Variants in HMGXB3 observed in about 807,000 individuals in gnomAD.
The protein encoded by HMGXB3 is HMG-box containing 3, also known as HMG domain-containing protein 3.
In HMGXB3, 45 loss-of-function variants were observed where a neutral mutation model predicts 121.5. The observed-to-expected ratio is 0.37, with a 90% CI of 0.29 to 0.47. HMGXB3 has a LOEUF of 0.47. Ranked by LOEUF, HMGXB3 falls within the 20% of genes least tolerant of loss-of-function variation. The pLI, the probability that HMGXB3 is intolerant of heterozygous loss-of-function variation, is 0.99. For missense variants in HMGXB3, 1,376 were observed against 1,602.2 expected (o/e 0.86, Z 2.41); for synonymous variants, 590 against 624.1 (o/e 0.95, Z 0.81).
chr5:150,051,387 C>T (rs1756889314), intron 19 of HMGXB3, among the ~76,000 whole-genome samples: 1 of 152,226 alleles, frequency 6.6e-6, no homozygotes, highest in Admixed American at 6.5e-5. Flanking sequence ...CCCTGGGGCT[C>T]ACTGGCTCCA....
intron 1 of HMGXB3, among the ~76,000 whole-genome samples, chr5:150,002,389 A>C (rs4705404): frequency 0.55 from 83,308 of 152,022 alleles, 25,639 homozygotes; most frequent in Non-Finnish European, 0.69. Context: ...CTGAGATCAT[A>C]AGGTTAGAGT....
At chr5:150,004,758 C>A in intron 1 of HMGXB3, 93 bp from the exon 2 acceptor site, 1 of 818,784 alleles carries the variant, frequency 1.2e-6, no homozygotes, top group Non-Finnish European at 1.9e-6. Context: ...AGCCTTAAGG[C>A]ACTGGCAGAG....
At position 150,024,392 on chromosome 5, in the gene HMGXB3, T is replaced by C; in HGVS notation, c.1172T>C (p.Leu391Pro). The C allele has an allele frequency of 6.4e-7, 1 of 1,551,744 alleles. No homozygotes were observed. Among genetic ancestry groups the C allele is most frequent in the Non-Finnish European group, 8.7e-7 (1 of 1,147,000 alleles). Reference protein sequence around the residue: ...SSKENASKLTLENSEAVSQLL... With the variant: ...SSKENASKLTPENSEAVSQLL... ...AAGGAAAATGCCTCCAAACTGACTC[T>C]GGAGAATTCGGAAGCTGTAAGCCAG... The change falls in exon 7 of 20, where the codon CTG becomes CCG. Residue 391 changes from leucine to proline, a missense_variant. Transcript: ENST00000502717.
chr5:150,011,965 T>G (rs1755850991), intron 4 of HMGXB3, among the ~76,000 whole-genome samples: 2 of 152,166 alleles, frequency 1.3e-5, no homozygotes, highest in Admixed American at 1.3e-4. Flanking sequence ...CTTGAAAGGG[T>G]TAGAATTGGA....
chr5:150,026,630 C>G (rs1425618276), intron 7 of HMGXB3, 76 bp from the exon 8 acceptor site: 7 of 1,264,592 alleles, frequency 5.5e-6, no homozygotes, highest in African/African-American at 1.5e-5. Flanking sequence ...TCTAAGAAAG[C>G]ACTATGTAGA....
chr5:150,043,590 G>A (rs1291876871), intron 15 of HMGXB3, among the ~76,000 whole-genome samples: 2 of 152,220 alleles, frequency 1.3e-5, no homozygotes, highest in African/African-American at 4.8e-5. Context: ...TTTTGTTTGT[G>A]TTATCTCATC....
At chr5:150,041,516 A>G (rs1756634509) in intron 14 of HMGXB3, among the ~76,000 whole-genome samples, 1 of 152,238 alleles carries the variant, frequency 6.6e-6, no homozygotes, top group Non-Finnish European at 1.5e-5. Flanking sequence ...AATTGAGGTG[A>G]GATTAATGAC....
chr5:150,036,184 A>G (rs979099243), intron 11 of HMGXB3, among the ~76,000 whole-genome samples: 2 of 152,188 alleles, frequency 1.3e-5, no homozygotes, highest in Non-Finnish European at 2.9e-5. Flanking sequence ...TGTTGAATCC[A>G]TTACCAAGAG....
chr5:150,047,931 T>C (rs901476688), intron 17 of HMGXB3, among the ~76,000 whole-genome samples, 174 bp downstream of exon 17: 1 of 152,240 alleles, frequency 6.6e-6, no homozygotes, highest in Non-Finnish European at 1.5e-5. Flanking sequence ...ATGTGGGGCC[T>C]GGCCTCTAAC....
chr5:150,016,857 C>A (rs998744208), intron 5 of HMGXB3, among the ~76,000 whole-genome samples: 6 of 152,086 alleles, frequency 3.9e-5, no homozygotes, highest in African/African-American at 1.4e-4. Context: ...CTTTTATTGG[C>A]TTATTAGCTA....
At chr5:150,034,257 T>C (rs1198369704) in intron 11 of HMGXB3, among the ~76,000 whole-genome samples, 1 of 152,160 alleles carries the variant, frequency 6.6e-6, no homozygotes, top group Non-Finnish European at 1.5e-5. Context: ...TCACACCCCA[T>C]ATTGACTGCT....
At chr5:150,018,010 T>C (rs1284302592) in intron 5 of HMGXB3, among the ~76,000 whole-genome samples, 4 of 152,210 alleles carry the variant, frequency 2.6e-5, no homozygotes, top group South Asian at 4.1e-4. Context: ...ATTTTTTCAG[T>C]GACCATGGAT....
Position 150,010,372 on chromosome 5 carries a change from G to T in HMGXB3, c.574G>T (p.Val192Leu), listed in dbSNP as rs1755800059. 1.3e-6 allele frequency: 2 copies of T among 1,551,580 alleles called. No individual in the cohort carries two copies. Among genetic ancestry groups the T allele is most frequent in the East Asian group, 2.4e-5 (1 of 40,922 alleles). ...CLAVEALAEE[V>L]GALTQSGAVQ... The stretch of plus-strand genomic sequence containing the variant: ...GGCTGTGGAGGCCCTGGCTGAGGAG[G>T]TGGGAGCCCTTACCCAGTCAGGTGC... Residue 192 changes from valine (V) to leucine (L), a missense_variant, in exon 4 of 20, where the codon GTG becomes TTG. Val to Leu is a conservative substitution (Grantham distance 32). This residue lies in a region of HMGXB3 where 1,116 missense variants were observed against 1,369.0 expected (regional missense o/e 0.82). Coordinates refer to ENST00000502717, the MANE Select transcript of HMGXB3 (RefSeq NM_014983.3).
intron 3 of HMGXB3, 24 bp from the exon 4 acceptor site, chr5:150,010,087 C>A: frequency 6.5e-7 from 1 of 1,541,236 alleles, no homozygotes; most frequent in Non-Finnish European, 8.8e-7. Context: ...CTTGTCTCCC[C>A]CTTCCTGGCT....
chr5:150,003,211 C>T (rs1298270344), intron 1 of HMGXB3, among the ~76,000 whole-genome samples: 1 of 152,164 alleles, frequency 6.6e-6, no homozygotes, highest in Non-Finnish European at 1.5e-5. Context: ...TTCAAGTGCT[C>T]GATAGCCATA....
At chr5:150,043,132 A>G (rs1756677280) in intron 15 of HMGXB3, among the ~76,000 whole-genome samples, 1 of 152,248 alleles carries the variant, frequency 6.6e-6, no homozygotes, top group South Asian at 2.1e-4. Context: ...CCTATATGAT[A>G]ATTTCATTAA....
At position 150,032,428 on chromosome 5, in the gene HMGXB3, A is replaced by AT. The variant is rs1478887881; in HGVS notation, c.1834-24dup. The stretch of plus-strand genomic sequence containing the variant: ...CCAGGTTTAACTTAATTTTTGTAGA[A>AT]TTGAACACTGGTCTTACTTTTTTAG... On this transcript the variant is annotated intron_variant, in intron 10 of 19. Coordinates refer to ENST00000502717, the MANE Select transcript of HMGXB3 (RefSeq NM_014983.3). 1.9e-6 allele frequency: 3 copies of AT among 1,547,884 alleles called. No individual in the cohort carries two copies. In the African/African-American group the frequency reaches 4.1e-5, roughly 21 times the overall value.
chr5:150,021,148 A>G (rs1007970694), intron 6 of HMGXB3, among the ~76,000 whole-genome samples: 6 of 152,150 alleles, frequency 3.9e-5, no homozygotes, highest in African/African-American at 1.2e-4. Context: ...GAATTTACCA[A>G]TGTGTTCTGC....
chr5:150,037,229 G>A (rs988687315), intron 12 of HMGXB3, among the ~76,000 whole-genome samples, 171 bp from the exon 13 acceptor site: 67 of 152,298 alleles, frequency 4.4e-4, no homozygotes, highest in South Asian at 1.5e-3. Context: ...TAAATTCAGA[G>A]TTACATTAAT....
Sources: gnomAD v4.1 joint callset for allele counts (sites outside exome capture counted in the v4.1 genomes callset) on GRCh38, gnomAD v4.1.1 for gene constraint, gnomAD v4.1.1 regional missense constraint, MANE v1.5 for transcripts, NCBI Gene and HGNC (gene_info 2026-07-23, HGNC 2026-07-21) for gene names.